PCSK5: variants seen among roughly 807,000 people sequenced by gnomAD.
The protein encoded by PCSK5 is prohormone convertase 5.
PCSK5 carries 129 observed loss-of-function variants against 233.2 expected under a neutral mutation model. The ratio of observed to expected loss-of-function variants is 0.55; its 90% CI spans 0.48 to 0.64. PCSK5 has a LOEUF of 0.64. Ranked by LOEUF, PCSK5 falls within the 30% of genes least tolerant of loss-of-function variation. The pLI is 0.00. For missense variants in PCSK5, 2,076 were observed against 2,430.1 expected (o/e 0.85, Z 3.06); for synonymous variants, 825 against 879.2 (o/e 0.94, Z 1.09).
chr9:76,198,003 G>A (rs1174601015), intron 20 of PCSK5, among the ~76,000 whole-genome samples: 1 of 152,228 alleles, frequency 6.6e-6, no homozygotes, highest in African/African-American at 2.4e-5. Context: ...GGGCTAATCT[G>A]TATAATCCTG....
At position 75,908,875 on chromosome 9, in the gene PCSK5, TTATCTATCTATCTATCTATC is replaced by T. The variant is rs58985562; in HGVS notation, c.192+17532_192+17551del. ...CATCCATGCATCCTTCTCTTTCTAT[TTATCTATCTATCTATCTATC>T]TATCTATCTATCTATCTATCTATCT... On this transcript the variant is annotated intron_variant, in intron 1 of 37. Coordinates refer to ENST00000674117, the MANE Select transcript of PCSK5 (RefSeq NM_001372043.1). 2.2e-4 allele frequency among the ~76,000 whole-genome samples: 26 copies of T among 116,104 alleles called. No homozygotes were observed. In the South Asian group the frequency reaches 3.7e-3, roughly 17 times the overall value. The allele number at this position is 116,104 out of a possible 152,430, so 76.2% of individuals were successfully genotyped here.
intron 2 of PCSK5, among the ~76,000 whole-genome samples, chr9:75,950,047 A>G (rs758297800): frequency 2.6e-5 from 4 of 151,318 alleles, no homozygotes; most frequent in Admixed American, 6.6e-5. Flanking sequence ...TAGTAGAAAG[A>G]CAAACTCATT....
At chr9:75,968,696 T>C (rs144751324) in intron 2 of PCSK5, among the ~76,000 whole-genome samples, 60 of 152,250 alleles carry the variant, frequency 3.9e-4, no homozygotes, top group African/African-American at 1.4e-3. Context: ...TTATTAGGGA[T>C]TTCAGTGAGC....
At chr9:76,330,125 A>T (rs1829483530) in intron 33 of PCSK5, among the ~76,000 whole-genome samples, 1 of 152,208 alleles carries the variant, frequency 6.6e-6, no homozygotes, top group African/African-American at 2.4e-5. Flanking sequence ...ACATGTAGAT[A>T]TTCAGCTCCT....
chr9:76,126,287 G>A (rs1163115470), intron 9 of PCSK5, among the ~76,000 whole-genome samples: 5 of 152,026 alleles, frequency 3.3e-5, no homozygotes, highest in African/African-American at 1.2e-4. Context: ...TAAACCAGGA[G>A]TTTCTAAAAT....
At chr9:76,331,595 A>T (rs1829537211) in intron 33 of PCSK5, among the ~76,000 whole-genome samples, 1 of 151,064 alleles carries the variant, frequency 6.6e-6, no homozygotes, top group Admixed American at 6.6e-5. Flanking sequence ...TGAACCCGGA[A>T]GGTGGAGCTT....
chr9:76,072,062 G>A (rs2131603861), intron 7 of PCSK5, among the ~76,000 whole-genome samples, 164 bp downstream of exon 7: 1 of 152,366 alleles, frequency 6.6e-6, no homozygotes, highest in South Asian at 2.1e-4. Context: ...GGGATTGTGA[G>A]TTATTTCTGT....
rs1824247511 is a variant in PCSK5, at chr9:76,189,202, A to G, written c.2489A>G (p.Asn830Ser). 1 of 1,612,798 alleles carries G rather than the reference A, an allele frequency of 6.2e-7. No homozygotes were observed. The highest frequency in any genetic ancestry group is 1.3e-5 in the African/African-American group (1 of 74,902). Residue 830 changes from asparagine to serine, a missense_variant, in exon 19 of 38, where the codon AAT (asparagine) becomes AGT (serine). Around this residue, in one of 6 missense-constraint regions of PCSK5, gnomAD observed 1,510 missense variants for 1,538.1 expected, o/e 0.98. Coordinates refer to ENST00000674117, the MANE Select transcript of PCSK5 (RefSeq NM_001372043.1). ...ISYYFDHSSE[N>S]GYKSCKKCDI... ...TATTACTTTGACCACTCTTCAGAGAATGGATACAAATCCTGCAAAAAGTAA... is the reference window on the plus strand; with the variant it reads ...TATTACTTTGACCACTCTTCAGAGAGTGGATACAAATCCTGCAAAAAGTAA...
chr9:76,262,067 C>T (rs1010090300), intron 24 of PCSK5, among the ~76,000 whole-genome samples: 1 of 152,172 alleles, frequency 6.6e-6, no homozygotes, highest in African/African-American at 2.4e-5. Context: ...TGAGAGAGGG[C>T]ATCCCTGTCT....
intron 3 of PCSK5, among the ~76,000 whole-genome samples, chr9:75,996,852 T>C (rs550233533): frequency 1.3e-5 from 2 of 148,990 alleles, no homozygotes; most frequent in Non-Finnish European, 3.0e-5. Context: ...TTAGCTAAGA[T>C]TTTTCTTTAA....
chr9:76,352,696 G>A (rs904044233), intron 36 of PCSK5, among the ~76,000 whole-genome samples: 12 of 151,942 alleles, frequency 7.9e-5, no homozygotes, highest in African/African-American at 2.9e-4. Context: ...TTATGTTTTC[G>A]AACTTTAGAT....
intron 5 of PCSK5, among the ~76,000 whole-genome samples, chr9:76,039,405 A>G (rs548768902): frequency 1.2e-4 from 18 of 152,324 alleles, no homozygotes; most frequent in African/African-American, 4.3e-4. Context: ...TCTTAAATTC[A>G]CAAAATGTTT....
chr9:76,164,553 G>A (rs1226228512), intron 12 of PCSK5, among the ~76,000 whole-genome samples: 2 of 152,014 alleles, frequency 1.3e-5, no homozygotes, highest in Admixed American at 1.3e-4. Context: ...CAGTTGGCTG[G>A]GTCCCTCTCC....
At chr9:75,995,744 TAC>T (rs35132294) in intron 3 of PCSK5, among the ~76,000 whole-genome samples, 41,741 of 145,730 alleles carry the variant, frequency 0.29, 5,992 homozygotes, top group East Asian at 0.48. Flanking sequence ...GATTCATTCA[TAC>T]ACACACACAC....
chr9:76,262,220 C>T (rs984310625), intron 24 of PCSK5, among the ~76,000 whole-genome samples: 12 of 152,184 alleles, frequency 7.9e-5, no homozygotes, highest in Non-Finnish European at 1.2e-4. Flanking sequence ...TTTATAGATT[C>T]AATGCCATCC....
Position 76,308,740 on chromosome 9 carries a change from G to A in PCSK5, c.3688+12G>A. 1 of 1,576,052 alleles carries A rather than the reference G, an allele frequency of 6.3e-7. No individual in the cohort carries two copies. Among genetic ancestry groups the A allele is most frequent in the Non-Finnish European group, 8.7e-7 (1 of 1,147,218 alleles). ...TTCATGTCCCAAAGGTTAGTGTGTT[G>A]CGTGACAGAAGATGGCAGCAGTCAA... On this transcript the variant is annotated intron_variant, in intron 29 of 37. Coordinates refer to ENST00000674117, the MANE Select transcript of PCSK5 (RefSeq NM_001372043.1).
chr9:76,093,582 TACACACACAC>T (rs3074176), intron 7 of PCSK5, among the ~76,000 whole-genome samples: 1 of 149,846 alleles, frequency 6.7e-6, no homozygotes. Context: ...TATATATATA[TACACACACAC>T]ACACACACGT....
intron 2 of PCSK5, among the ~76,000 whole-genome samples, chr9:75,957,582 T>A (rs922860029): frequency 1.3e-5 from 2 of 152,126 alleles, no homozygotes; most frequent in Admixed American, 6.5e-5. Flanking sequence ...AGGAGCACAA[T>A]CCTGCCTCTC....
In PCSK5 at chr9:76,359,285, G is replaced by A. The variant is rs965525840; in HGVS notation, c.*363G>A. On this transcript the variant is annotated 3_prime_UTR_variant, in exon 38 of 38. Transcript: ENST00000674117. ...GCAGATCTATAGAAATTCTGTTTCC[G>A]AGCTGCATTGTGGAGGTGTCTGCTG... 5 of 203,968 alleles carry A rather than the reference G, an allele frequency of 2.5e-5. No individual in the cohort carries two copies. The highest frequency in any genetic ancestry group is 1.0e-4 in the Admixed American group (2 of 19,226). 12.6% of individuals were successfully genotyped at this position (203,968 alleles called of 1,614,324 possible). A position where few individuals can be genotyped will look rare whatever the true frequency, so the allele number is the denominator to read the frequency against.
Sources: allele counts gnomAD v4.1 joint callset (sites outside exome capture counted in the v4.1 genomes callset), GRCh38; gene constraint gnomAD v4.1.1; regional missense constraint gnomAD v4.1.1; transcripts MANE v1.5; gene names NCBI Gene and HGNC (gene_info 2026-07-23, HGNC 2026-07-21).